NDUFAF7: variants seen among roughly 807,000 people sequenced by gnomAD.
NDUFAF7 encodes the protein protein arginine methyltransferase NDUFAF7, mitochondrial.
A neutral mutation model predicts 47.2 loss-of-function variants in NDUFAF7; 48 were observed. The observed-to-expected ratio is 1.02, with a 90% CI of 0.81 to 1.29. The LOEUF (loss-of-function observed/expected upper bound fraction) is 1.29. NDUFAF7 is among the 50% of genes most tolerant of loss of function. The pLI is 0.00. For missense variants in NDUFAF7, 635 were observed against 537.6 expected, an observed-to-expected ratio of 1.18 and a Z score of -1.79; for synonymous variants, 217 against 190.0, an observed-to-expected ratio of 1.14 and a Z score of -1.17.
Position 37,248,629 on chromosome 2 carries a change from A to G in NDUFAF7, c.*279A>G. The G allele has an allele frequency of 5.0e-6, 2 of 400,628 alleles. No individual in the cohort carries two copies. Among genetic ancestry groups the G allele is most frequent in the Non-Finnish European group, 9.4e-6 (2 of 212,702 alleles). 24.8% of individuals were successfully genotyped at this position (400,628 alleles called of 1,614,324 possible). On this transcript the variant is annotated 3_prime_UTR_variant, in exon 10 of 10. Transcript: ENST00000002125. ...TTCTATTTTATTTTAAAAAGTAAAC[A>G]TGCGGCTGGGCGTGGTGGCTCATGC... is the stretch of plus-strand genomic sequence containing the variant.
the NDUFAF7 span, among the ~76,000 whole-genome samples, chr2:37,266,027 C>G: frequency 5.1e-3 from 773 of 152,190 alleles, 10 homozygotes; most frequent in African/African-American, 0.017. Context: ...CGCAAAAATA[C>G]CTGACAACAT....
Position 37,248,438 on chromosome 2 carries a change from C to G in NDUFAF7, c.*88C>G. On this transcript the variant is annotated 3_prime_UTR_variant, in exon 10 of 10. Coordinates refer to ENST00000002125, the MANE Select transcript of NDUFAF7 (RefSeq NM_144736.5). ...TTCATATACTGCAGGTAACAAAAGT[C>G]AAAGTATTTTATCTTTTCACAGCAA... 2.4e-6 allele frequency: 3 copies of G among 1,259,230 alleles called. No homozygotes were observed. Among genetic ancestry groups the G allele is most frequent in the Non-Finnish European group, 2.3e-6 (2 of 861,070 alleles). The allele number at this position is 1,259,230 out of a possible 1,614,324, so 78.0% of individuals were successfully genotyped here.
intron 2 of NDUFAF7, among the ~76,000 whole-genome samples, chr2:37,233,552 G>A (rs1013912241): frequency 2.6e-5 from 4 of 150,968 alleles, no homozygotes; most frequent in East Asian, 3.9e-4. Context: ...AACCCGGGAC[G>A]CAGAGGTTGC....
chr2:37,232,088 A>C lies in NDUFAF7; in HGVS notation c.56-18A>C, dbSNP rs1382981367. The C allele has an allele frequency of 1.2e-6, 2 of 1,614,156 alleles. No homozygotes were observed. The highest frequency in any genetic ancestry group is 2.2e-5 in the South Asian group (2 of 91,086). On this transcript the variant is annotated intron_variant, in intron 1 of 9. Transcript: ENST00000002125. ...GTCAGATTTATCATGGGGTCTGTTT[A>C]ATTTGTGTTTTTCGCAGCCATTCCT...
chr2:37,236,822 G>C (rs1278495500), intron 3 of NDUFAF7, among the ~76,000 whole-genome samples: 1 of 151,482 alleles, frequency 6.6e-6, no homozygotes, highest in Admixed American at 6.6e-5. Flanking sequence ...AGAGACAAAA[G>C]GAAAGGCGAG....
At chr2:37,236,516 C>T (rs919391562) in intron 3 of NDUFAF7, among the ~76,000 whole-genome samples, 7 of 151,988 alleles carry the variant, frequency 4.6e-5, no homozygotes, top group African/African-American at 7.3e-5. Context: ...GTGGCTCACA[C>T]CTGTAATCCC....
At chr2:37,236,279 A>G (rs1293407769) in intron 3 of NDUFAF7, 103 bp downstream of exon 3, 4 of 1,055,172 alleles carry the variant, frequency 3.8e-6, no homozygotes. Context: ...TTTGTGATTC[A>G]TCAAAAGTTT....
At chr2:37,247,682 A>G in intron 9 of NDUFAF7, 53 bp downstream of exon 9, 1 of 1,589,450 alleles carries the variant, frequency 6.3e-7, no homozygotes, top group African/African-American at 1.3e-5. Context: ...TATTTCAAAA[A>G]TTACTTTAAA....
At chr2:37,259,664 C>T in the NDUFAF7 span, 1 of 1,611,330 alleles carries the variant, frequency 6.2e-7, no homozygotes, top group East Asian at 2.2e-5. Context: ...AATGCAGATT[C>T]CTCAAAGCAA....
Position 37,247,704 on chromosome 2 carries a change from C to T in NDUFAF7, c.1110+75C>T. On this transcript the variant is annotated intron_variant, in intron 9 of 9. Coordinates refer to ENST00000002125, the MANE Select transcript of NDUFAF7 (RefSeq NM_144736.5). ...AAAATTACTTTAAATAGTATGTTCACCTGGCCTTAATGCTCTTGTAGTTAG... is the reference window on the plus strand; with the variant it reads ...AAAATTACTTTAAATAGTATGTTCATCTGGCCTTAATGCTCTTGTAGTTAG... 5.2e-6 allele frequency: 8 copies of T among 1,534,530 alleles called. No homozygotes were observed. In the South Asian group the frequency reaches 6.8e-5, roughly 13 times the overall value.
the NDUFAF7 span, among the ~76,000 whole-genome samples, chr2:37,266,951 G>A: frequency 3.3e-5 from 5 of 152,186 alleles, no homozygotes; most frequent in Non-Finnish European, 7.3e-5. Flanking sequence ...AAAAATGCTA[G>A]ATGAAAAACA....
chr2:37,240,439 ATAAATT>A (rs1437398703), intron 4 of NDUFAF7, among the ~76,000 whole-genome samples: 1 of 151,748 alleles, frequency 6.6e-6, no homozygotes, highest in Non-Finnish European at 1.5e-5. Context: ...CATACTCAAT[ATAAATT>A]TAAATTTCTT....
Position 37,248,468 on chromosome 2 carries a change from A to G in NDUFAF7, c.*118A>G, listed in dbSNP as rs1202761466. 1 of 1,018,034 alleles carries G rather than the reference A, an allele frequency of 9.8e-7. No individual in the cohort carries two copies. Among genetic ancestry groups the G allele is most frequent in the African/African-American group, 1.6e-5 (1 of 63,244 alleles). The allele number at this position is 1,018,034 out of a possible 1,614,324, so 63.1% of individuals were successfully genotyped here. ...TATTTTATCTTTTCACAGCAAGAAC[A>G]GTCCATGTTGTATATAATACAACCA... On this transcript the variant is annotated 3_prime_UTR_variant, in exon 10 of 10. Coordinates refer to ENST00000002125, the MANE Select transcript of NDUFAF7 (RefSeq NM_144736.5).
intron 1 of NDUFAF7, 77 bp downstream of exon 1, chr2:37,231,837 T>C: frequency 1.0e-5 from 16 of 1,602,502 alleles, no homozygotes; most frequent in Non-Finnish European, 1.3e-5. Context: ...CAGTTGAGGG[T>C]ACCGGGGGAT....
At chr2:37,238,924 A>G (rs1379970619) in intron 4 of NDUFAF7, among the ~76,000 whole-genome samples, 3 of 145,964 alleles carry the variant, frequency 2.1e-5, no homozygotes, top group Non-Finnish European at 4.5e-5. Flanking sequence ...AAAAAAAAAG[A>G]TTAGTCACAT....
At chr2:37,254,901 T>C (rs923310753), downstream of NDUFAF7, among the ~76,000 whole-genome samples, 1 of 152,194 alleles carries the variant, frequency 6.6e-6, no homozygotes, top group Non-Finnish European at 1.5e-5. Flanking sequence ...GAGTTCTTGG[T>C]ATATATATTT....
rs757121673 is a variant in NDUFAF7 at position 37,247,510 on chromosome 2, C to T, written c.991C>T (p.Leu331=). Residue 331 remains leucine (L), a synonymous_variant, in exon 9 of 10, where the codon CTA becomes TTA. Coordinates refer to ENST00000002125, the MANE Select transcript of NDUFAF7 (RefSeq NM_144736.5). ...CTTAATTGCCCCAGGAACAGCAGATCTAACAGCTGATGTGGACTTCAGTTA... is the reference window on the plus strand; with the variant it reads ...CTTAATTGCCCCAGGAACAGCAGATTTAACAGCTGATGTGGACTTCAGTTA... The part of the protein sequence containing the change: ...DVLIAPGTAD[L]TADVDFSYLR... The T allele has an allele frequency of 1.2e-6, 2 of 1,614,052 alleles. No homozygotes were observed. The highest frequency in any genetic ancestry group is 2.7e-5 in the African/African-American group (2 of 75,036).
chr2:37,246,250 C>G, intron 8 of NDUFAF7, 55 bp downstream of exon 8: 1 of 1,590,064 alleles, frequency 6.3e-7, no homozygotes, highest in East Asian at 2.2e-5. Context: ...GATCTGAAGC[C>G]CATTGAAGAG....
At chr2:37,258,751 C>T in the NDUFAF7 span, among the ~76,000 whole-genome samples, 187 of 152,214 alleles carry the variant, frequency 1.2e-3, no homozygotes, top group Non-Finnish European at 2.2e-3. Flanking sequence ...AAAAGCTGAA[C>T]GATTTTTAAT....
Sources: allele counts gnomAD v4.1 joint callset (sites outside exome capture counted in the v4.1 genomes callset), GRCh38; gene constraint gnomAD v4.1.1; transcripts MANE v1.5; gene names NCBI Gene and HGNC (gene_info 2026-07-23, HGNC 2026-07-21).